The following RBFOX1 variants were observed in gnomAD, a reference collection of about 807,000 sequenced individuals.
RBFOX1 encodes the protein RNA binding protein fox-1 homolog 1.
Under a neutral mutation model 57.7 loss-of-function variants are expected in RBFOX1, and 8 were observed. The observed-to-expected ratio is 0.14, with a 90% confidence interval of 0.08 to 0.25. RBFOX1 has a LOEUF of 0.25. Among genes scored for constraint, RBFOX1 ranks in the 10% least tolerant of loss-of-function variants. RBFOX1 has a pLI of 1.00. For missense variants in RBFOX1, 611 were observed against 548.5 expected, an observed-to-expected ratio of 1.11 and a Z score of -1.14; for synonymous variants, 326 against 222.4, an observed-to-expected ratio of 1.47 and a Z score of -4.15.
chr16:6,483,808 C>G, intron 2 of RBFOX1: 1 of 1,363,892 alleles, frequency 7.3e-7, no homozygotes, highest in Non-Finnish European at 9.5e-7. Context: ...GTGTGCGCCT[C>G]CGGGGCTGCT....
chr16:6,832,060 A>G (rs1436800880), intron 3 of RBFOX1, among the ~76,000 whole-genome samples: 2 of 152,270 alleles, frequency 1.3e-5, no homozygotes, highest in Non-Finnish European at 2.9e-5. Flanking sequence ...ATATAATTGC[A>G]TATTAATCAA....
At chr16:5,922,327 G>T (rs73521328) in intron 4 of RBFOX1, among the ~76,000 whole-genome samples, 11,850 of 152,212 alleles carry the variant, frequency 0.078, 1,581 homozygotes, top group African/African-American at 0.27. Flanking sequence ...GAGCTGAGAT[G>T]TAAAGGGGAC....
chr16:7,180,914 A>C (rs1418482920), intron 4 of RBFOX1, among the ~76,000 whole-genome samples: 1 of 152,202 alleles, frequency 6.6e-6, no homozygotes, highest in African/African-American at 2.4e-5. Flanking sequence ...CAGATAATAA[A>C]TATTGTAGGG....
intron 3 of RBFOX1, among the ~76,000 whole-genome samples, chr16:6,847,424 G>C (rs551886458): frequency 7.8e-4 from 119 of 152,042 alleles, no homozygotes; most frequent in Non-Finnish European, 1.1e-3. Flanking sequence ...CGTCTAGACT[G>C]CTTGGTGCTC....
intron 4 of RBFOX1, chr16:7,510,249 G>C (rs1355215671): frequency 3.0e-6 from 3 of 985,822 alleles, no homozygotes; most frequent in Non-Finnish European, 3.6e-6. Context: ...CAGATGCTTT[G>C]TGGTGTGGGA....
chr16:6,849,310 T>A (rs2141891470), intron 3 of RBFOX1, among the ~76,000 whole-genome samples: 1 of 152,338 alleles, frequency 6.6e-6, no homozygotes, highest in East Asian at 1.9e-4. Context: ...AAAAATCGTG[T>A]TCATTTTTAA....
At chr16:6,093,498 A>T (rs1362560310) in intron 1 of RBFOX1, among the ~76,000 whole-genome samples, 1 of 152,174 alleles carries the variant, frequency 6.6e-6, no homozygotes, top group African/African-American at 2.4e-5. Context: ...TCCAGGTTAG[A>T]GGGGCAATGG....
intron 2 of RBFOX1, among the ~76,000 whole-genome samples, chr16:5,548,174 A>AAAATATAT (rs1555462290): frequency 8.9e-5 from 3 of 33,580 alleles, no homozygotes; most frequent in Non-Finnish European, 1.9e-4. Context: ...AAAAAAAAAA[A>AAAATATAT]ATATATATAT....
At chr16:5,244,734 G>C (rs564064210) in intron 1 of RBFOX1, among the ~76,000 whole-genome samples, 2 of 152,388 alleles carry the variant, frequency 1.3e-5, no homozygotes, top group African/African-American at 4.8e-5. Context: ...ATTTTGGGAA[G>C]TTCTCGCATC....
chr16:7,231,664 A>C (rs560696605), intron 4 of RBFOX1, among the ~76,000 whole-genome samples: 1 of 152,358 alleles, frequency 6.6e-6, no homozygotes, highest in Admixed American at 6.5e-5. Context: ...ATTTATCAAT[A>C]AATAAATGGA....
rs540182667 is a variant in RBFOX1, at chr16:7,386,782, A to G, written c.28-131365A>G. Among the ~76,000 whole-genome samples the G allele has an allele frequency of 2.0e-4, 31 of 152,208 alleles. 1 individual carries two copies. The South Asian group carries it at 2.9e-3, about 14-fold the overall frequency. On this transcript the variant is annotated intron_variant, in intron 4 of 15. Transcript: ENST00000550418. ...TGGGTCTAATGGTATTTCTAGTTCTATATCCTTGAGGAATCGCCACACTGT... is the reference window on the plus strand; with the variant it reads ...TGGGTCTAATGGTATTTCTAGTTCTGTATCCTTGAGGAATCGCCACACTGT...
intron 11 of RBFOX1, among the ~76,000 whole-genome samples, chr16:7,648,214 A>AT (rs533983363): frequency 7.9e-5 from 12 of 152,008 alleles, no homozygotes; most frequent in Admixed American, 2.0e-4. Context: ...TGAGGAAAAA[A>AT]TTATTTATTT....
chr16:5,356,606 G>T lies in RBFOX1; in HGVS notation c.220-110610G>T, dbSNP rs984147774. ...GCTTCTGGAATGGTGTCAGGCACAG[G>T]TTTACCATGAAAAATATACTTGTTA... On this transcript the variant is annotated intron_variant, in intron 1 of 2. Coordinates refer to the RBFOX1 transcript ENST00000585867. 2.6e-5 allele frequency among the ~76,000 whole-genome samples: 4 copies of T among 152,256 alleles called. No individual in the cohort carries two copies. In the East Asian group the frequency reaches 7.7e-4, roughly 29 times the overall value.
At chr16:5,856,177 C>CTATATA (rs1390412630) in intron 3 of RBFOX1, among the ~76,000 whole-genome samples, 3 of 57,204 alleles carry the variant, frequency 5.2e-5, no homozygotes, top group Non-Finnish European at 6.8e-5. Context: ...CTCTCTCTCT[C>CTATATA]TCTCTCTCTC....
At chr16:6,516,213 G>C (rs1416411089) in intron 2 of RBFOX1, among the ~76,000 whole-genome samples, 1 of 152,120 alleles carries the variant, frequency 6.6e-6, no homozygotes, top group Non-Finnish European at 1.5e-5. Flanking sequence ...ATTTTTAGTA[G>C]TGACAGGATT....
At chr16:7,589,962 T>C (rs1421115958) in intron 7 of RBFOX1, among the ~76,000 whole-genome samples, 1 of 150,348 alleles carries the variant, frequency 6.7e-6, no homozygotes, top group Non-Finnish European at 1.5e-5. Context: ...TATGCGGACA[T>C]ATAAACCCAT....
intron 4 of RBFOX1, among the ~76,000 whole-genome samples, chr16:7,405,661 G>A (rs982685117): frequency 6.6e-6 from 1 of 152,266 alleles, no homozygotes; most frequent in Non-Finnish European, 1.5e-5. Flanking sequence ...AAGGCTGTGC[G>A]GATCCAGGCT....
At chr16:5,839,775 G>T (rs2056570067) in intron 3 of RBFOX1, among the ~76,000 whole-genome samples, 1 of 152,150 alleles carries the variant, frequency 6.6e-6, no homozygotes. Context: ...CAAGGCAGGA[G>T]GTGGATGAAT....
intron 2 of RBFOX1, among the ~76,000 whole-genome samples, chr16:6,495,885 T>A (rs996622021): frequency 2.0e-5 from 3 of 152,248 alleles, no homozygotes; most frequent in African/African-American, 4.8e-5. Context: ...TATCTGTTTG[T>A]AACAGAATAT....
Sources: allele counts gnomAD v4.1 joint callset (sites outside exome capture counted in the v4.1 genomes callset), GRCh38; gene constraint gnomAD v4.1.1; transcripts MANE v1.5; gene names NCBI Gene and HGNC (gene_info 2026-07-23, HGNC 2026-07-21).